EIF2AK3: variants seen among roughly 807,000 people sequenced by gnomAD.
EIF2AK3 encodes the protein eukaryotic translation initiation factor 2 alpha kinase 3, also known as eukaryotic translation initiation factor 2-alpha kinase 3.
A neutral mutation model predicts 113.5 loss-of-function variants in EIF2AK3; 50 were observed. That is an observed-to-expected ratio of 0.44 (90% confidence interval 0.35 to 0.56). The LOEUF (loss-of-function observed/expected upper bound fraction) is 0.56, where lower values mean the gene tolerates loss of function less well. EIF2AK3 is among the 20% of genes least tolerant of loss of function. EIF2AK3 has a pLI of 0.00. For missense variants in EIF2AK3, 1,185 were observed against 1,378.0 expected (o/e 0.86, Z 2.22); for synonymous variants, 448 against 495.4 (o/e 0.90, Z 1.27).
Position 88,557,615 on chromosome 2 carries a change from G to A in EIF2AK3, c.*121C>T. The A allele has an allele frequency of 9.4e-7, 1 of 1,066,082 alleles. No individual in the cohort carries two copies. The highest frequency in any genetic ancestry group is 1.3e-5 in the South Asian group (1 of 78,212). 66.0% of individuals were successfully genotyped at this position (1,066,082 alleles called of 1,614,324 possible). ...CCAGCTTAAATTTGATATAAAAAAAGTAGTCCACAAAAAAATTGAGCGAAG... is the reference window on the plus strand; with the variant it reads ...CCAGCTTAAATTTGATATAAAAAAAATAGTCCACAAAAAAATTGAGCGAAG... On this transcript the variant is annotated 3_prime_UTR_variant, in exon 17 of 17. Transcript: ENST00000303236.
intron 14 of EIF2AK3, among the ~76,000 whole-genome samples, chr2:88,564,283 TC>T: frequency 6.6e-6 from 1 of 152,302 alleles, no homozygotes; most frequent in African/African-American, 2.4e-5. Flanking sequence ...TAGTATAGCT[TC>T]TAAGGCTTGG....
Position 88,568,743 on chromosome 2 carries a change from G to T in EIF2AK3, c.2985+2131C>A, listed in dbSNP as rs543985869. On this transcript the variant is annotated intron_variant, in intron 14 of 16. Transcript: ENST00000303236. ...TTTTAAGAAGTTGAGACCTGCTGAT[G>T]TAAGCATAGATTAGCTTGTGAGTAT... is the stretch of plus-strand genomic sequence containing the variant. 3.9e-5 allele frequency among the ~76,000 whole-genome samples: 6 copies of T among 152,340 alleles called. No individual in the cohort carries two copies. The South Asian group carries it at 1.2e-3, about 32-fold the overall frequency.
chr2:88,567,681 A>G (rs1373015414), intron 14 of EIF2AK3, among the ~76,000 whole-genome samples: 3 of 152,186 alleles, frequency 2.0e-5, no homozygotes, highest in Admixed American at 6.5e-5. Context: ...CTCATCTCAA[A>G]TTAACTTTTA....
At chr2:88,584,086 T>C (rs911480842) in intron 9 of EIF2AK3, among the ~76,000 whole-genome samples, 3 of 152,192 alleles carry the variant, frequency 2.0e-5, no homozygotes, top group Non-Finnish European at 2.9e-5. Flanking sequence ...CATGGTCAAA[T>C]TGGGGCACTG....
At position 88,590,991 on chromosome 2, in the gene EIF2AK3, C is replaced by T. The variant is rs780485346; in HGVS notation, c.829G>A (p.Gly277Arg). Residue 277 changes from glycine to arginine, a missense_variant, in exon 5 of 17, where the codon GGA becomes AGA. Physicochemically the swap from Gly to Arg is moderately radical, Grantham distance 125 (BLOSUM62 -2). Coordinates refer to ENST00000303236, the MANE Select transcript of EIF2AK3 (RefSeq NM_004836.7). ...GGCTTAAAGGTGCTTTCAATAAATC[C>T]GGCTCTCGTTTCCATGTCTGGAATA... ...RYIPDMETRA[G>R]FIESTFKPNE... The T allele has an allele frequency of 1.4e-5, 22 of 1,613,944 alleles. No individual in the cohort carries two copies. The highest frequency in any genetic ancestry group is 9.9e-5 in the South Asian group (9 of 91,086).
chr2:88,612,321 T>G (rs1414377027), intron 2 of EIF2AK3, among the ~76,000 whole-genome samples: 1 of 152,226 alleles, frequency 6.6e-6, no homozygotes, highest in Non-Finnish European at 1.5e-5. Context: ...CTCATTTTGC[T>G]GATCATCTCT....
chr2:88,607,391 T>C (rs551986676), intron 2 of EIF2AK3, among the ~76,000 whole-genome samples: 1 of 152,324 alleles, frequency 6.6e-6, no homozygotes, highest in East Asian at 1.9e-4. Flanking sequence ...ATATTATGCT[T>C]AGAACCTAAG....
chr2:88,617,903 G>A (rs1342465264), intron 1 of EIF2AK3, among the ~76,000 whole-genome samples: 1 of 152,206 alleles, frequency 6.6e-6, no homozygotes, highest in Non-Finnish European at 1.5e-5. Flanking sequence ...ACACAGCCAG[G>A]TGCAGTGGCT....
At chr2:88,584,201 A>AAGACTGGTTCTTAAG (rs1674663450) in intron 9 of EIF2AK3, among the ~76,000 whole-genome samples, 2 of 152,114 alleles carry the variant, frequency 1.3e-5, no homozygotes, top group Non-Finnish European at 1.5e-5. Flanking sequence ...TAAACAGTGT[A>AAGACTGGTTCTTAAG]GACTGGTTCT....
chr2:88,590,418 C>T (rs1237611330), intron 6 of EIF2AK3, 25 bp downstream of exon 6: 5 of 1,612,170 alleles, frequency 3.1e-6, no homozygotes, highest in African/African-American at 1.3e-5. Flanking sequence ...TGTGTACTAT[C>T]GTTAGATAAG....
intron 8 of EIF2AK3, among the ~76,000 whole-genome samples, 193 bp downstream of exon 8, chr2:88,587,789 C>T (rs1674776038): frequency 6.6e-6 from 1 of 152,082 alleles, no homozygotes; most frequent in Non-Finnish European, 1.5e-5. Context: ...TAGATGTGCC[C>T]AACCTAGCAT....
intron 4 of EIF2AK3, 22 bp from the exon 5 acceptor site, chr2:88,591,074 T>C: frequency 6.2e-7 from 1 of 1,603,614 alleles, no homozygotes; most frequent in Non-Finnish European, 8.5e-7. Flanking sequence ...AAAGGTGTGT[T>C]TTAGAAATTT....
At position 88,575,476 on chromosome 2, in the gene EIF2AK3, G is replaced by C. The variant is rs757728228; in HGVS notation, c.2037-30C>G. On this transcript the variant is annotated intron_variant, in intron 12 of 16. Coordinates refer to ENST00000303236, the MANE Select transcript of EIF2AK3 (RefSeq NM_004836.7). ...AAGTGGGAGAAATACAAAGGGGTAA[G>C]AGTGAATATATATTGATTCAAGTAC... The C allele has an allele frequency of 6.8e-5, 109 of 1,599,876 alleles. 2 individuals carry two copies. The South Asian group carries it at 1.1e-3, about 16-fold the overall frequency.
Position 88,613,712 on chromosome 2 carries a change from G to A in EIF2AK3, c.438+12C>T, listed in dbSNP as rs772456519. 1.7e-5 allele frequency: 27 copies of A among 1,613,932 alleles called. No individual in the cohort carries two copies. The highest frequency in any genetic ancestry group is 2.3e-5 in the Non-Finnish European group (27 of 1,179,896). On this transcript the variant is annotated intron_variant, in intron 2 of 16. Transcript: ENST00000303236. ...TAAGTTTTCTAGTCAACAGTTAACA[G>A]AAAATTCTTACCTCTGGTTTGCTAA... is the stretch of plus-strand genomic sequence containing the variant.
At chr2:88,587,249 T>C (rs1411098059) in intron 8 of EIF2AK3, among the ~76,000 whole-genome samples, 4 of 151,174 alleles carry the variant, frequency 2.6e-5, no homozygotes, top group Non-Finnish European at 5.9e-5. Context: ...GGCTGCTGTT[T>C]CTAGTTCAGA....
chr2:88,577,637 C>T lies in EIF2AK3; in HGVS notation c.1887-934G>A, dbSNP rs541847133. 1.8e-4 allele frequency among the ~76,000 whole-genome samples: 28 copies of T among 152,188 alleles called. 1 individual carries two copies. In the South Asian group the frequency reaches 5.4e-3, roughly 29 times the overall value. On this transcript the variant is annotated intron_variant, in intron 11 of 16. Transcript: ENST00000303236. ...CAAATGATCCACCCGCCTAGGACTC[C>T]CACAGTGCTGGGATTACAAGCGTGA... is the stretch of plus-strand genomic sequence containing the variant.
rs755704498 is a variant in EIF2AK3, at chr2:88,595,606, G to C, written c.496C>G (p.Gln166Glu). The C allele has an allele frequency of 1.2e-6, 2 of 1,613,848 alleles. No individual in the cohort carries two copies. The highest frequency in any genetic ancestry group is 2.2e-5 in the South Asian group (2 of 91,072). Reference sequence around the variant, plus strand: ...ACTGTTTCCATGCTTTCACGGTCTTGGTCCCACTGGAAGAGGGCTCCATCC... The same window carrying C: ...ACTGTTTCCATGCTTTCACGGTCTTCGTCCCACTGGAAGAGGGCTCCATCC... The part of the protein sequence containing the change: ...SLDGALFQWD[Q>E]DRESMETVPF... The change falls in exon 3 of 17, where the codon CAA (glutamine) becomes GAA (glutamate). Residue 166 changes from glutamine (Q) to glutamate (E), a missense_variant. Transcript: ENST00000303236.
chr2:88,624,003 T>G (rs920883748), intron 1 of EIF2AK3, among the ~76,000 whole-genome samples: 1 of 152,130 alleles, frequency 6.6e-6, no homozygotes, highest in Non-Finnish European at 1.5e-5. Context: ...TTTTCTTTTT[T>G]TTTTTGAGAC....
At chr2:88,628,038 G>C (rs1173725673), upstream of EIF2AK3, 1 of 152,440 alleles carries the variant, frequency 6.6e-6, no homozygotes, top group Non-Finnish European at 1.5e-5. Context: ...CACAGAAGCC[G>C]TGTGGTCCCT....
Sources: allele counts gnomAD v4.1 joint callset (sites outside exome capture counted in the v4.1 genomes callset), GRCh38; gene constraint gnomAD v4.1.1; transcripts MANE v1.5; gene names NCBI Gene and HGNC (gene_info 2026-07-23, HGNC 2026-07-21).